PROS1: variants seen among roughly 807,000 people sequenced by gnomAD.
PROS1 encodes the protein vitamin K-dependent protein S.
A neutral mutation model predicts 75.9 loss-of-function variants in PROS1; 29 were observed. That is an observed-to-expected ratio of 0.38 (90% confidence interval 0.28 to 0.52). PROS1 has a LOEUF of 0.52. Among genes scored for constraint, PROS1 ranks in the 20% least tolerant of loss-of-function variants. PROS1 has a pLI of 0.83. For missense variants in PROS1, 680 were observed against 810.3 expected, an observed-to-expected ratio of 0.84 and a Z score of 1.95; for synonymous variants, 245 against 280.6, an observed-to-expected ratio of 0.87 and a Z score of 1.27.
At chr3:93,903,668 A>T (rs1708630961) in intron 6 of PROS1, among the ~76,000 whole-genome samples, 1 of 152,134 alleles carries the variant, frequency 6.6e-6, no homozygotes, top group Admixed American at 6.5e-5. Context: ...TATCTATCTT[A>T]AAAAAACAAT....
intron 1 of PROS1, among the ~76,000 whole-genome samples, chr3:93,941,376 T>C (rs1709285379): frequency 6.6e-6 from 1 of 152,140 alleles, no homozygotes; most frequent in African/African-American, 2.4e-5. Flanking sequence ...CCACGTGCTC[T>C]CCCTGCTGAT....
intron 1 of PROS1, among the ~76,000 whole-genome samples, chr3:93,960,048 C>T (rs1448709391): frequency 2.0e-5 from 3 of 152,126 alleles, no homozygotes; most frequent in Non-Finnish European, 4.4e-5. Flanking sequence ...TTATACTTCT[C>T]TTAGAGGAAA....
At position 93,884,841 on chromosome 3, in the gene PROS1, G is replaced by A. The variant is rs1465994990; in HGVS notation, c.1379C>T (p.Ala460Val). ...IRSWNLMKQG[A>V]SGIKEIIQEK... ...TTGAATAATTTCCTTTATTCCAGAA[G>A]CTCCTTGCTTCATCAAATTCCAGCT... The change falls in exon 12 of 15, where the codon GCT (alanine) becomes GTT (valine). Residue 460 changes from alanine (A) to valine (V), a missense_variant. Transcript: ENST00000394236. 1.2e-6 allele frequency: 2 copies of A among 1,613,230 alleles called. No homozygotes were observed. The highest frequency in any genetic ancestry group is 1.7e-6 in the Non-Finnish European group (2 of 1,179,614).
intron 1 of PROS1, among the ~76,000 whole-genome samples, chr3:93,970,343 T>C (rs1257026505): frequency 2.0e-5 from 3 of 152,130 alleles, no homozygotes; most frequent in Non-Finnish European, 4.4e-5. Flanking sequence ...TATTTTATTT[T>C]TATTATTTTT....
rs1708443689 is a variant in PROS1 at position 93,892,421 on chromosome 3, T to C, written c.1155+512A>G. Among the ~76,000 whole-genome samples the C allele has an allele frequency of 2.6e-5, 4 of 151,842 alleles. 1 individual carries two copies. The highest frequency in any genetic ancestry group is 6.6e-5 in the Admixed American group (1 of 15,254). On this transcript the variant is annotated intron_variant, in intron 10 of 14. Coordinates refer to ENST00000394236, the MANE Select transcript of PROS1 (RefSeq NM_000313.4). ...AAGTGGATCACCTGAGGTCTGGAGT[T>C]CGAGACCAGCTGGACCAACACGGAG... is the stretch of plus-strand genomic sequence containing the variant.
At chr3:93,949,938 G>A (rs1248461590) in intron 1 of PROS1, among the ~76,000 whole-genome samples, 1 of 152,186 alleles carries the variant, frequency 6.6e-6, no homozygotes, top group African/African-American at 2.4e-5. Flanking sequence ...CTAGCCAGGG[G>A]AAGCCATGAC....
chr3:93,894,315 G>A (rs888879275), intron 9 of PROS1, among the ~76,000 whole-genome samples: 2 of 152,052 alleles, frequency 1.3e-5, no homozygotes, highest in South Asian at 2.1e-4. Context: ...GGTAAAATGT[G>A]GAGTAAAGTA....
intron 3 of PROS1, among the ~76,000 whole-genome samples, chr3:93,912,187 G>A (rs1335119107): frequency 6.6e-6 from 1 of 152,098 alleles, no homozygotes; most frequent in Non-Finnish European, 1.5e-5. Context: ...AGCTTCTAGA[G>A]GTCATCTGCA....
intron 1 of PROS1, among the ~76,000 whole-genome samples, chr3:93,927,981 A>G (rs1183442241): frequency 1.4e-4 from 10 of 73,242 alleles, no homozygotes; most frequent in East Asian, 3.6e-4. Context: ...GTGTATATAT[A>G]TGTGTGTGTG....
intron 1 of PROS1, among the ~76,000 whole-genome samples, chr3:93,963,438 C>T (rs1321544252): frequency 2.0e-5 from 3 of 152,186 alleles, no homozygotes; most frequent in Non-Finnish European, 4.4e-5. Context: ...CTCAAACCCC[C>T]TCATTGGTCT....
intron 2 of PROS1, among the ~76,000 whole-genome samples, chr3:93,925,730 G>A (rs772484286): frequency 2.6e-5 from 4 of 151,468 alleles, no homozygotes; most frequent in East Asian, 3.9e-4. Flanking sequence ...AGGCTGAGAC[G>A]GGAGGATTGC....
intron 10 of PROS1, among the ~76,000 whole-genome samples, chr3:93,890,342 T>C (rs1447298199): frequency 1.3e-5 from 2 of 152,238 alleles, no homozygotes; most frequent in Non-Finnish European, 2.9e-5. Context: ...GTGGTCTTTG[T>C]TGGACTCTTT....
chr3:93,880,769 G>C (rs1708265802), intron 12 of PROS1, among the ~76,000 whole-genome samples: 1 of 152,066 alleles, frequency 6.6e-6, no homozygotes, highest in Non-Finnish European at 1.5e-5. Flanking sequence ...TAATTACAAA[G>C]TAGATCACTT....
chr3:93,967,048 T>C (rs1167692870), intron 1 of PROS1, among the ~76,000 whole-genome samples: 5 of 152,176 alleles, frequency 3.3e-5, no homozygotes, highest in African/African-American at 1.2e-4. Flanking sequence ...CCAATATTTA[T>C]TTAAAAAGGA....
intron 9 of PROS1, among the ~76,000 whole-genome samples, chr3:93,895,084 CGTACTTTAA>C (rs1311079379): frequency 6.6e-6 from 1 of 152,084 alleles, no homozygotes; most frequent in African/African-American, 2.4e-5. Flanking sequence ...CATCCTCTCA[CGTACTTTAA>C]GTCGTCTCTA....
chr3:93,900,633 C>A (rs549450877), intron 7 of PROS1, among the ~76,000 whole-genome samples, 171 bp downstream of exon 7: 1 of 152,350 alleles, frequency 6.6e-6, no homozygotes, highest in East Asian at 1.9e-4. Flanking sequence ...ATATGCCTTA[C>A]ATACTCTTGC....
At chr3:93,973,155 T>G in intron 1 of PROS1, among the ~76,000 whole-genome samples, 1 of 152,164 alleles carries the variant, frequency 6.6e-6, no homozygotes, top group East Asian at 1.9e-4. Context: ...AAGTGACATA[T>G]ATCTACTGCT....
chr3:93,927,112 TG>T (rs1287289967), intron 2 of PROS1, 137 bp downstream of exon 2: 1 of 1,076,452 alleles, frequency 9.3e-7, no homozygotes, highest in East Asian at 2.4e-5. Context: ...CCTCCTGAAA[TG>T]GAAGTGGTTA....
chr3:93,909,303 T>A (rs1247604328), intron 4 of PROS1, among the ~76,000 whole-genome samples: 2 of 151,776 alleles, frequency 1.3e-5, no homozygotes, highest in Admixed American at 1.3e-4. Context: ...GGAGTGATGA[T>A]ATGTGCCTAT....
Sources: allele counts gnomAD v4.1 joint callset (sites outside exome capture counted in the v4.1 genomes callset), GRCh38; gene constraint gnomAD v4.1.1; transcripts MANE v1.5; gene names NCBI Gene and HGNC (gene_info 2026-07-23, HGNC 2026-07-21).